Variants in SPACA7 observed in about 807,000 individuals in gnomAD.
SPACA7 encodes sperm acrosome-associated protein 7.
In SPACA7, 19 loss-of-function variants were observed where a neutral mutation model predicts 26.3. The observed-to-expected ratio is 0.72, with a 90% CI of 0.50 to 1.06. The LOEUF (loss-of-function observed/expected upper bound fraction) is 1.06. Among genes scored for constraint, SPACA7 ranks in the 50% least tolerant of loss-of-function variants. The probability of loss-of-function intolerance (pLI) is 0.00; values close to 1 mark genes in which losing one functional copy is unlikely to be tolerated. For missense variants in SPACA7, 211 were observed against 229.9 expected (o/e 0.92, Z 0.53); for synonymous variants, 84 against 84.5 (o/e 0.99, Z 0.04).
chr13:112,432,935 G>A (rs1387842089), intron 6 of SPACA7, among the ~76,000 whole-genome samples: 2 of 152,120 alleles, frequency 1.3e-5, no homozygotes, highest in South Asian at 2.1e-4. Flanking sequence ...TCGTGGGGTG[G>A]GGACCCCCAG....
rs376793301 is a variant in SPACA7 at position 112,398,036 on chromosome 13, T to C, written c.152-13T>C. The C allele has an allele frequency of 1.9e-6, 3 of 1,594,954 alleles. No homozygotes were observed. Among genetic ancestry groups the C allele is most frequent in the Non-Finnish European group, 2.6e-6 (3 of 1,163,018 alleles). On this transcript the variant is annotated splice_polypyrimidine_tract_variant and intron_variant, in intron 2 of 6. Coordinates refer to ENST00000283550, the MANE Select transcript of SPACA7 (RefSeq NM_145248.5). Reference sequence around the variant, plus strand: ...GGGCCGACTCTAACGTGATCTTGTGTGCTTCTCCCAAGATGAAATTCTGGT... The same window carrying C: ...GGGCCGACTCTAACGTGATCTTGTGCGCTTCTCCCAAGATGAAATTCTGGT...
At chr13:112,379,070 A>G (rs947809472) in intron 1 of SPACA7, among the ~76,000 whole-genome samples, 16 of 152,340 alleles carry the variant, frequency 1.1e-4, no homozygotes, top group African/African-American at 3.8e-4. Flanking sequence ...TTAAATCTGG[A>G]AAACAAAACA....
intron 6 of SPACA7, among the ~76,000 whole-genome samples, 156 bp downstream of exon 6, chr13:112,432,677 A>G (rs1877278756): frequency 6.6e-6 from 1 of 152,162 alleles, no homozygotes; most frequent in Non-Finnish European, 1.5e-5. Context: ...CCAACCGTTG[A>G]TGTGTGGAAA....
chr13:112,384,588 A>G (rs1884409461), intron 1 of SPACA7, among the ~76,000 whole-genome samples: 1 of 152,200 alleles, frequency 6.6e-6, no homozygotes, highest in Non-Finnish European at 1.5e-5. Context: ...TTTGTCAAAT[A>G]GCAAAGGTTT....
At chr13:112,401,596 A>C (rs1402934434) in intron 5 of SPACA7, among the ~76,000 whole-genome samples, 6 of 152,202 alleles carry the variant, frequency 3.9e-5, no homozygotes, top group African/African-American at 1.4e-4. Flanking sequence ...AAAAAAAGTC[A>C]ATTTTTGTGT....
chr13:112,424,260 CG>C (rs2139056737), intron 5 of SPACA7, among the ~76,000 whole-genome samples: 1 of 152,324 alleles, frequency 6.6e-6, no homozygotes, highest in South Asian at 2.1e-4. Flanking sequence ...GGTGATGCTG[CG>C]TTGGGAGCAT....
intron 1 of SPACA7, among the ~76,000 whole-genome samples, chr13:112,390,816 A>G (rs1884840633): frequency 2.0e-5 from 3 of 152,250 alleles, no homozygotes; most frequent in African/African-American, 7.2e-5. Context: ...AACACTAGGA[A>G]TTACAATTCA....
At chr13:112,416,020 A>G (rs1009650221) in intron 5 of SPACA7, among the ~76,000 whole-genome samples, 6 of 151,820 alleles carry the variant, frequency 4.0e-5, no homozygotes, top group Non-Finnish European at 7.4e-5. Context: ...AAGCACACAG[A>G]TTCTCTCTCT....
At chr13:112,421,675 C>A (rs1974076) in intron 5 of SPACA7, among the ~76,000 whole-genome samples, 11,014 of 152,156 alleles carry the variant, frequency 0.072, 482 homozygotes, top group Non-Finnish European at 0.086. Flanking sequence ...TTCATTGCAG[C>A]ACTACTCACA....
chr13:112,383,215 G>A (rs1884319418), intron 1 of SPACA7, among the ~76,000 whole-genome samples: 1 of 142,042 alleles, frequency 7.0e-6, no homozygotes, highest in Admixed American at 7.0e-5. Context: ...AGAAAGGAAA[G>A]AAGGAAGAAA....
chr13:112,412,100 T>G (rs1886390785), intron 5 of SPACA7, among the ~76,000 whole-genome samples: 1 of 152,136 alleles, frequency 6.6e-6, no homozygotes, highest in Admixed American at 6.5e-5. Context: ...TTTTTCCCCA[T>G]CCTTGCCAGC....
At position 112,398,154 on chromosome 13, in the gene SPACA7, A is replaced by G. The variant is rs751879366; in HGVS notation, c.241+16A>G. On this transcript the variant is annotated intron_variant, in intron 3 of 6. Coordinates refer to ENST00000283550, the MANE Select transcript of SPACA7 (RefSeq NM_145248.5). ...ACACCGTTACGTAAGGAGAAAAGCA[A>G]GCACACCCCTTTCTAACCCTCTAAT... The G allele has an allele frequency of 2.5e-6, 4 of 1,584,762 alleles. No individual in the cohort carries two copies. In the East Asian group the frequency reaches 8.9e-5, roughly 35 times the overall value.
chr13:112,399,010 A>T, intron 3 of SPACA7, 56 bp from the exon 4 acceptor site: 1 of 1,045,828 alleles, frequency 9.6e-7, no homozygotes, highest in Non-Finnish European at 1.5e-6. Context: ...AAAAATGTTT[A>T]TACCTGTGTA....
intron 1 of SPACA7, among the ~76,000 whole-genome samples, chr13:112,387,241 G>A (rs995021424): frequency 2.0e-5 from 3 of 152,198 alleles, no homozygotes; most frequent in Non-Finnish European, 1.5e-5. Flanking sequence ...TCTAGATGGT[G>A]AAACCAAGGG....
chr13:112,379,020 G>A (rs972550455), intron 1 of SPACA7, among the ~76,000 whole-genome samples: 12 of 152,128 alleles, frequency 7.9e-5, no homozygotes, highest in African/African-American at 1.7e-4. Context: ...ATTGTTGTCC[G>A]TTATGCGTAG....
intron 5 of SPACA7, among the ~76,000 whole-genome samples, chr13:112,422,946 A>T (rs1876130071): frequency 6.6e-6 from 1 of 152,226 alleles, no homozygotes; most frequent in African/African-American, 2.4e-5. Context: ...GATTCATTGA[A>T]CAAATCTTTG....
At chr13:112,399,406 G>T (rs1885494899) in intron 4 of SPACA7, among the ~76,000 whole-genome samples, 1 of 152,262 alleles carries the variant, frequency 6.6e-6, no homozygotes, top group Admixed American at 6.5e-5. Flanking sequence ...GCCCAGGGAA[G>T]CACAGCAGAA....
intron 2 of SPACA7, among the ~76,000 whole-genome samples, chr13:112,395,380 G>A (rs1430858332): frequency 6.6e-6 from 1 of 152,240 alleles, no homozygotes; most frequent in Non-Finnish European, 1.5e-5. Context: ...CTGAGTCGTT[G>A]CTAGAGGAGG....
intron 1 of SPACA7, among the ~76,000 whole-genome samples, 158 bp downstream of exon 1, chr13:112,376,637 G>A (rs976899896): frequency 2.0e-5 from 3 of 152,304 alleles, no homozygotes; most frequent in African/African-American, 7.2e-5. Context: ...TATCTTTGAA[G>A]ACTTTTTAAA....
Sources: allele counts gnomAD v4.1 joint callset (sites outside exome capture counted in the v4.1 genomes callset), GRCh38; gene constraint gnomAD v4.1.1; transcripts MANE v1.5; gene names NCBI Gene and HGNC (gene_info 2026-07-23, HGNC 2026-07-21).